GPAM: variants seen among roughly 807,000 people sequenced by gnomAD.
The protein encoded by GPAM is glycerol-3-phosphate acyltransferase, mitochondrial, also known as glycerol-3-phosphate acyltransferase 1, mitochondrial.
A neutral mutation model predicts 105.0 loss-of-function variants in GPAM; 56 were observed. That is an observed-to-expected ratio of 0.53 (90% CI 0.43 to 0.67). GPAM has a LOEUF of 0.67. Ranked by LOEUF, GPAM falls within the 30% of genes least tolerant of loss-of-function variation. The pLI is 0.00. For missense variants in GPAM, 855 were observed against 989.8 expected, an observed-to-expected ratio of 0.86 and a Z score of 1.83; for synonymous variants, 368 against 354.4, an observed-to-expected ratio of 1.04 and a Z score of -0.43.
At chr10:112,226,282 A>T in the GPAM span, among the ~76,000 whole-genome samples, 3 of 152,194 alleles carry the variant, frequency 2.0e-5, no homozygotes, top group African/African-American at 7.2e-5. Flanking sequence ...CTTTTCTGGA[A>T]CCAGGTGGGT....
chr10:112,191,392 G>A (rs557575966), intron 1 of GPAM, among the ~76,000 whole-genome samples: 6 of 152,296 alleles, frequency 3.9e-5, no homozygotes, highest in African/African-American at 1.4e-4. Flanking sequence ...AGTATTTCAC[G>A]CTTCTAGCCA....
At chr10:112,203,984 A>G (rs1847830742) in intron 1 of GPAM, among the ~76,000 whole-genome samples, 1 of 152,152 alleles carries the variant, frequency 6.6e-6, no homozygotes, top group African/African-American at 2.4e-5. Context: ...TCTCACTGTG[A>G]CATGAGGCCT....
chr10:112,224,204 T>C, the GPAM span, among the ~76,000 whole-genome samples: 1 of 152,222 alleles, frequency 6.6e-6, no homozygotes, highest in Non-Finnish European at 1.5e-5. Flanking sequence ...ATTCCTTCAA[T>C]GTAAAACATT....
At chr10:112,172,377 C>T in intron 8 of GPAM, 59 bp from the exon 9 acceptor site, 2 of 1,396,040 alleles carry the variant, frequency 1.4e-6, no homozygotes, top group East Asian at 2.3e-5. Context: ...TCACACTTTG[C>T]AACTGCATAT....
chr10:112,212,899 A>T (rs1847928148), intron 1 of GPAM, among the ~76,000 whole-genome samples: 1 of 152,242 alleles, frequency 6.6e-6, no homozygotes, highest in Non-Finnish European at 1.5e-5. Flanking sequence ...CAAGGCTGGA[A>T]AAACGATTTG....
At chr10:112,217,811 C>G (rs1336035125), upstream of GPAM, among the ~76,000 whole-genome samples, 1 of 152,152 alleles carries the variant, frequency 6.6e-6, no homozygotes, top group Non-Finnish European at 1.5e-5. Flanking sequence ...GGAACTGAAG[C>G]CAGAATGAAG....
chr10:112,200,244 TAG>T (rs59715102), intron 1 of GPAM, among the ~76,000 whole-genome samples: 17,434 of 123,334 alleles, frequency 0.14, 1,654 homozygotes, highest in African/African-American at 0.26. Flanking sequence ...TATATATATA[TAG>T]AGAGAGAGAG....
chr10:112,160,347 G>C lies in GPAM; in HGVS notation c.1759+257C>G, dbSNP rs943234817. ...CTCTGTGTATGTCTCATCTCAGTTA[G>C]ATTTTCAGCTCCTGGATAGCAAGAC... On this transcript the variant is annotated intron_variant, in intron 16 of 21. Coordinates refer to ENST00000348367, the MANE Select transcript of GPAM (RefSeq NM_001244949.2). 5 of 968,174 alleles carry C rather than the reference G, an allele frequency of 5.2e-6. No individual in the cohort carries two copies. In the African/African-American group the frequency reaches 8.8e-5, roughly 17 times the overall value. 60.0% of individuals were successfully genotyped at this position (968,174 alleles called of 1,614,324 possible). A position where few individuals can be genotyped will look rare whatever the true frequency, so the allele number is the denominator to read the frequency against.
At chr10:112,198,821 A>G (rs1403487044) in intron 1 of GPAM, among the ~76,000 whole-genome samples, 1 of 152,234 alleles carries the variant, frequency 6.6e-6, no homozygotes, top group Non-Finnish European at 1.5e-5. Flanking sequence ...GTGTATATAC[A>G]CAACGGACTA....
intron 3 of GPAM, 101 bp from the exon 4 acceptor site, chr10:112,180,696 T>A: frequency 9.6e-7 from 1 of 1,037,012 alleles, no homozygotes; most frequent in Non-Finnish European, 1.5e-6. Context: ...GAAAAACTTA[T>A]GGCATATTCT....
At position 112,153,318 on chromosome 10, in the gene GPAM, G is replaced by A. The variant is rs1225644401; in HGVS notation, c.*232C>T. 16 of 1,401,402 alleles carry A rather than the reference G, an allele frequency of 1.1e-5. No individual in the cohort carries two copies. The highest frequency in any genetic ancestry group is 2.7e-5 in the East Asian group (1 of 36,642). The allele number at this position is 1,401,402 out of a possible 1,614,324, so 86.8% of individuals were successfully genotyped here. On this transcript the variant is annotated 3_prime_UTR_variant, in exon 22 of 22. Transcript: ENST00000348367. ...TCATCTTGTAGTCTACGGATTATGA[G>A]TTGCGAATAGAGGCTGAGGTCCCCC...
At chr10:112,185,331 G>GA (rs201720172), upstream of GPAM, among the ~76,000 whole-genome samples, 21 of 149,296 alleles carry the variant, frequency 1.4e-4, no homozygotes, top group East Asian at 3.9e-4. Context: ...CAGGAAATGA[G>GA]AAAAAAAAAT....
chr10:112,216,354 CAGCACAGGAGGT>C (rs1277634311), upstream of GPAM, among the ~76,000 whole-genome samples: 1 of 152,202 alleles, frequency 6.6e-6, no homozygotes, highest in Admixed American at 6.5e-5. Context: ...AAAACAATGT[CAGCACAGGAGGT>C]AGCAGTTTGT....
At chr10:112,168,726 C>G in intron 10 of GPAM, 127 bp downstream of exon 10, 1 of 772,814 alleles carries the variant, frequency 1.3e-6, no homozygotes, top group Non-Finnish European at 2.3e-6. Context: ...AATTACCAAA[C>G]TCAAGCAATA....
rs1846934173 is a variant in GPAM, at chr10:112,152,322, T to C, written c.*1228A>G. On this transcript the variant is annotated 3_prime_UTR_variant, in exon 22 of 22. Coordinates refer to ENST00000348367, the MANE Select transcript of GPAM (RefSeq NM_001244949.2). Reference sequence around the variant, plus strand: ...ATGCTCCCTGCTCACAAAAGGCACCTACCAATTATGAACAGACCATTTTTC... The same window carrying C: ...ATGCTCCCTGCTCACAAAAGGCACCCACCAATTATGAACAGACCATTTTTC... 2.0e-6 allele frequency: 2 copies of C among 984,788 alleles called. No individual in the cohort carries two copies. The highest frequency in any genetic ancestry group is 2.4e-6 in the Non-Finnish European group (2 of 829,296). The allele number at this position is 984,788 out of a possible 1,614,324, so 61.0% of individuals were successfully genotyped here. A position where few individuals can be genotyped will look rare whatever the true frequency, so the allele number is the denominator to read the frequency against.
chr10:112,167,550 T>C (rs1847239613), intron 11 of GPAM, among the ~76,000 whole-genome samples: 1 of 152,208 alleles, frequency 6.6e-6, no homozygotes, highest in Non-Finnish European at 1.5e-5. Flanking sequence ...AGGAATAGAC[T>C]ACATGCAACA....
chr10:112,180,625 T>G (rs1165185048), intron 3 of GPAM, 30 bp from the exon 4 acceptor site: 3 of 1,592,520 alleles, frequency 1.9e-6, no homozygotes, highest in Non-Finnish European at 2.6e-6. Flanking sequence ...AAATATAGTT[T>G]CTAAATGGCA....
chr10:112,168,186 T>A (rs1847250646), intron 11 of GPAM, 126 bp downstream of exon 11: 2 of 703,052 alleles, frequency 2.8e-6, no homozygotes, highest in Admixed American at 2.1e-5. Context: ...CAATCACATT[T>A]CATACAGTGC....
At chr10:112,177,057 C>A (rs1381263706) in intron 5 of GPAM, among the ~76,000 whole-genome samples, 1 of 151,890 alleles carries the variant, frequency 6.6e-6, no homozygotes, top group Non-Finnish European at 1.5e-5. Context: ...ATTCAACGGA[C>A]CAAAGTCTCT....
Sources: gnomAD v4.1 joint callset for allele counts (sites outside exome capture counted in the v4.1 genomes callset) on GRCh38, gnomAD v4.1.1 for gene constraint, MANE v1.5 for transcripts, NCBI Gene and HGNC (gene_info 2026-07-23, HGNC 2026-07-21) for gene names.